Variants in EXOC6B observed in about 807,000 individuals in gnomAD.
EXOC6B encodes SEC15 homolog B.
A neutral mutation model predicts 113.5 loss-of-function variants in EXOC6B; 54 were observed. The observed-to-expected ratio is 0.48, with a 90% CI of 0.38 to 0.60. The LOEUF is 0.60. Ranked by LOEUF, EXOC6B falls within the 20% of genes least tolerant of loss-of-function variation. The pLI, the probability that EXOC6B is intolerant of heterozygous loss-of-function variation, is 0.00. For missense variants in EXOC6B, 797 were observed against 977.5 expected (o/e 0.82, Z 2.46); for synonymous variants, 357 against 339.0 (o/e 1.05, Z -0.58).
chr2:72,569,905 G>A (rs1704416750), intron 7 of EXOC6B, among the ~76,000 whole-genome samples: 1 of 152,060 alleles, frequency 6.6e-6, no homozygotes, highest in African/African-American at 2.4e-5. Flanking sequence ...TACATAATTT[G>A]TCCCAATACC....
At chr2:72,393,120 A>T (rs1692492324) in intron 18 of EXOC6B, among the ~76,000 whole-genome samples, 1 of 151,332 alleles carries the variant, frequency 6.6e-6, no homozygotes, top group African/African-American at 2.4e-5. Flanking sequence ...TTTTGAGACA[A>T]AGTCTCACTC....
intron 18 of EXOC6B, among the ~76,000 whole-genome samples, chr2:72,439,930 G>T (rs1340634755): frequency 6.6e-6 from 1 of 152,030 alleles, no homozygotes; most frequent in Non-Finnish European, 1.5e-5. Context: ...TCTCCATATG[G>T]CTGCTGTGGT....
intron 1 of EXOC6B, among the ~76,000 whole-genome samples, chr2:72,796,657 G>A (rs542529298): frequency 6.8e-4 from 103 of 151,136 alleles, no homozygotes; most frequent in African/African-American, 1.7e-3. Flanking sequence ...TTCCCCTTCC[G>A]TCCCACAGCT....
chr2:72,406,358 A>G (rs1693763656), intron 18 of EXOC6B, among the ~76,000 whole-genome samples: 1 of 152,128 alleles, frequency 6.6e-6, no homozygotes, highest in Non-Finnish European at 1.5e-5. Context: ...CAGACCTAAT[A>G]GACATCTACA....
intron 6 of EXOC6B, among the ~76,000 whole-genome samples, chr2:72,606,811 G>A (rs778817476): frequency 7.3e-5 from 11 of 151,568 alleles, no homozygotes; most frequent in South Asian, 4.2e-4. Flanking sequence ...GGGTTTCACC[G>A]TGTTGACCAG....
At chr2:72,209,325 T>G (rs537172063) in intron 20 of EXOC6B, among the ~76,000 whole-genome samples, 7 of 152,110 alleles carry the variant, frequency 4.6e-5, no homozygotes, top group Admixed American at 4.6e-4. Context: ...CTGTGAGCAT[T>G]TACCAGGACT....
At chr2:72,390,891 G>A (rs1235443884) in intron 18 of EXOC6B, among the ~76,000 whole-genome samples, 1 of 152,102 alleles carries the variant, frequency 6.6e-6, no homozygotes, top group Admixed American at 6.5e-5. Flanking sequence ...TGGACTTTTC[G>A]CCCTATACAT....
intron 20 of EXOC6B, among the ~76,000 whole-genome samples, chr2:72,332,315 C>A (rs969620780): frequency 3.9e-5 from 6 of 151,936 alleles, no homozygotes; most frequent in Non-Finnish European, 5.9e-5. Flanking sequence ...AATCTGTGTT[C>A]TTAATAATAT....
intron 6 of EXOC6B, among the ~76,000 whole-genome samples, chr2:72,654,314 C>A (rs1287942360): frequency 2.0e-5 from 3 of 152,204 alleles, no homozygotes; most frequent in African/African-American, 7.2e-5. Context: ...AGCTTTCAAT[C>A]TACATAGAAG....
chr2:72,767,425 G>A (rs1417588002), intron 1 of EXOC6B, among the ~76,000 whole-genome samples: 1 of 151,598 alleles, frequency 6.6e-6, no homozygotes, highest in Non-Finnish European at 1.5e-5. Flanking sequence ...AGCAAAACTC[G>A]GTCTCAAATA....
chr2:72,622,049 AAAAG>A (rs1387229993), intron 6 of EXOC6B, among the ~76,000 whole-genome samples: 1 of 152,032 alleles, frequency 6.6e-6, no homozygotes, highest in Non-Finnish European at 1.5e-5. Flanking sequence ...CATTTTTAAA[AAAAG>A]AAAGAAAAAA....
chr2:72,472,703 G>A (rs1248133505), intron 17 of EXOC6B, among the ~76,000 whole-genome samples: 1 of 151,826 alleles, frequency 6.6e-6, no homozygotes, highest in East Asian at 1.9e-4. Flanking sequence ...ACTATGATCT[G>A]CATTATTTCC....
intron 1 of EXOC6B, among the ~76,000 whole-genome samples, chr2:72,767,825 A>AAAAAAAAAAAAAG: frequency 7.1e-6 from 1 of 141,052 alleles, no homozygotes; most frequent in Non-Finnish European, 1.5e-5. Flanking sequence ...AAAAAAAAAA[A>AAAAAAAAAAAAAG]AAAAAAAAGA....
chr2:72,695,669 C>T (rs1337318113), intron 6 of EXOC6B, among the ~76,000 whole-genome samples: 1 of 152,156 alleles, frequency 6.6e-6, no homozygotes, highest in Non-Finnish European at 1.5e-5. Flanking sequence ...CAGACACCCA[C>T]ATAGACAGAG....
chr2:72,449,425 C>A (rs957660755), intron 18 of EXOC6B, among the ~76,000 whole-genome samples: 1 of 151,894 alleles, frequency 6.6e-6, no homozygotes, highest in African/African-American at 2.4e-5. Context: ...CCCGCCTCTG[C>A]CTCCCAAAGT....
chr2:72,634,455 A>G lies in EXOC6B; in HGVS notation c.670-58787T>C, dbSNP rs183427669. Among the ~76,000 whole-genome samples the G allele has an allele frequency of 1.5e-3, 232 of 152,250 alleles. 1 individual carries two copies. The highest frequency in any genetic ancestry group is 5.5e-3 in the African/African-American group (228 of 41,544). On this transcript the variant is annotated intron_variant, in intron 6 of 21. Coordinates refer to ENST00000272427, the MANE Select transcript of EXOC6B (RefSeq NM_015189.3). Reference sequence around the variant, plus strand: ...CTCCAGGCTATAATTTGGTGCTCCAACACATCCCCACCTTAGGGATGGTGT... The same window carrying G: ...CTCCAGGCTATAATTTGGTGCTCCAGCACATCCCCACCTTAGGGATGGTGT...
At chr2:72,430,730 T>C (rs1173220812) in intron 18 of EXOC6B, among the ~76,000 whole-genome samples, 1 of 152,220 alleles carries the variant, frequency 6.6e-6, no homozygotes, top group Non-Finnish European at 1.5e-5. Flanking sequence ...TAAGATATCA[T>C]TTCACTAGCA....
chr2:72,274,966 T>C (rs1047118989), intron 20 of EXOC6B, among the ~76,000 whole-genome samples: 1 of 152,130 alleles, frequency 6.6e-6, no homozygotes, highest in Admixed American at 6.6e-5. Flanking sequence ...GGCAACAGAA[T>C]GATGCAGAGT....
chr2:72,406,734 G>T (rs1693798092), intron 18 of EXOC6B, among the ~76,000 whole-genome samples: 1 of 152,100 alleles, frequency 6.6e-6, no homozygotes, highest in Non-Finnish European at 1.5e-5. Context: ...AACACTAAAT[G>T]CCCACAAGAG....
Sources: allele counts gnomAD v4.1 joint callset (sites outside exome capture counted in the v4.1 genomes callset), GRCh38; gene constraint gnomAD v4.1.1; transcripts MANE v1.5; gene names NCBI Gene and HGNC (gene_info 2026-07-23, HGNC 2026-07-21).